RARB: variants seen among roughly 807,000 people sequenced by gnomAD.
RARB encodes retinoic acid receptor beta, also known as HBV-activated protein.
RARB carries 17 observed loss-of-function variants against 51.9 expected under a neutral mutation model. The ratio of observed to expected loss-of-function variants is 0.33; its 90% CI spans 0.22 to 0.49. The LOEUF (loss-of-function observed/expected upper bound fraction) is 0.49. RARB is among the 20% of genes least tolerant of loss of function. RARB has a pLI of 0.99. For missense variants in RARB, 369 were observed against 550.8 expected, an observed-to-expected ratio of 0.67 and a Z score of 3.30; for synonymous variants, 215 against 195.4, an observed-to-expected ratio of 1.10 and a Z score of -0.84.
intron 5 of RARB, among the ~76,000 whole-genome samples, chr3:25,257,513 G>C (rs1193869387): frequency 3.3e-5 from 5 of 152,040 alleles, no homozygotes; most frequent in Admixed American, 3.3e-4. Context: ...AGAAGAGTTG[G>C]AACTAGGGTG....
At chr3:25,025,797 G>C (rs1289860819) in intron 2 of RARB, among the ~76,000 whole-genome samples, 1 of 152,116 alleles carries the variant, frequency 6.6e-6, no homozygotes, top group Admixed American at 6.5e-5. Flanking sequence ...GTGAAACAAA[G>C]AATATTTGTC....
At chr3:25,559,108 C>G (rs766429609) in intron 3 of RARB, among the ~76,000 whole-genome samples, 3 of 152,120 alleles carry the variant, frequency 2.0e-5, no homozygotes, top group Non-Finnish European at 2.9e-5. Context: ...CCTTTAAAGG[C>G]CACCGCAAAC....
chr3:25,380,937 C>A (rs959447600), intron 5 of RARB, among the ~76,000 whole-genome samples: 3 of 152,148 alleles, frequency 2.0e-5, no homozygotes, highest in African/African-American at 7.2e-5. Flanking sequence ...CCATCCTTAT[C>A]TCCTGCATTT....
chr3:25,368,585 A>T (rs2125470077), intron 5 of RARB, among the ~76,000 whole-genome samples: 1 of 152,358 alleles, frequency 6.6e-6, no homozygotes, highest in South Asian at 2.1e-4. Flanking sequence ...GGAATTATAC[A>T]TGTTTTCACT....
chr3:25,526,107 C>T (rs1698635208), intron 3 of RARB, among the ~76,000 whole-genome samples: 1 of 152,118 alleles, frequency 6.6e-6, no homozygotes, highest in Admixed American at 6.5e-5. Context: ...TGAGGGAAGC[C>T]TCATGGAGGA....
intron 3 of RARB, among the ~76,000 whole-genome samples, chr3:25,080,553 G>C (rs7630907): frequency 0.71 from 107,834 of 152,044 alleles, 39,203 homozygotes; most frequent in Admixed American, 0.81. Context: ...GATGGTTCCA[G>C]TTTCTTCATA....
intron 5 of RARB, among the ~76,000 whole-genome samples, chr3:25,396,896 C>T (rs1707130750): frequency 6.6e-6 from 1 of 152,168 alleles, no homozygotes; most frequent in Non-Finnish European, 1.5e-5. Context: ...CCACCAACAG[C>T]ACCCAGTGTA....
At chr3:25,008,295 CCTGT>C (rs1418208335) in intron 2 of RARB, among the ~76,000 whole-genome samples, 1 of 152,048 alleles carries the variant, frequency 6.6e-6, no homozygotes, top group Non-Finnish European at 1.5e-5. Flanking sequence ...AGAGTAGAAG[CCTGT>C]CTGTTTCTCT....
chr3:25,522,757 G>A (rs534506516), intron 3 of RARB, among the ~76,000 whole-genome samples: 28 of 152,226 alleles, frequency 1.8e-4, no homozygotes, highest in African/African-American at 5.8e-4. Flanking sequence ...TCTTAGAGCC[G>A]TCGGGCATCT....
At chr3:25,156,347 A>G (rs983612012) in intron 4 of RARB, among the ~76,000 whole-genome samples, 1 of 152,114 alleles carries the variant, frequency 6.6e-6, no homozygotes, top group Non-Finnish European at 1.5e-5. Flanking sequence ...GTGGAATCTC[A>G]TTCATCTCAA....
At chr3:25,384,171 C>T (rs1241396521) in intron 5 of RARB, among the ~76,000 whole-genome samples, 1 of 152,128 alleles carries the variant, frequency 6.6e-6, no homozygotes, top group Non-Finnish European at 1.5e-5. Flanking sequence ...CTCTGGGGGT[C>T]CATGAGCCCC....
At chr3:24,979,949 T>C (rs771159350) in intron 2 of RARB, among the ~76,000 whole-genome samples, 1 of 152,224 alleles carries the variant, frequency 6.6e-6, no homozygotes, top group Non-Finnish European at 1.5e-5. Context: ...CAGGAGCTCT[T>C]GTAAGGCAGG....
intron 2 of RARB, among the ~76,000 whole-genome samples, chr3:25,498,365 T>C (rs567424593): frequency 1.3e-5 from 2 of 152,340 alleles, no homozygotes; most frequent in South Asian, 2.1e-4. Context: ...AGGAGAATTT[T>C]TATGATGCAA....
At chr3:25,041,592 T>C (rs1019005739) in intron 2 of RARB, among the ~76,000 whole-genome samples, 3 of 151,782 alleles carry the variant, frequency 2.0e-5, no homozygotes, top group Non-Finnish European at 4.4e-5. Context: ...TCAAAATTGA[T>C]GAGATAACAC....
At position 25,525,220 on chromosome 3, in the gene RARB, G is replaced by C. The variant is rs562936632; in HGVS notation, c.448+23897G>C. Among the ~76,000 whole-genome samples, 3 of 152,316 alleles carry C rather than the reference G, an allele frequency of 2.0e-5. No homozygotes were observed. The South Asian group carries it at 6.2e-4, about 32-fold the overall frequency. ...AACACTCAAAGATCTAGCTCAGAAAGAAAATTCTCAGAATGCTAGGTTATC... is the reference window on the plus strand; with the variant it reads ...AACACTCAAAGATCTAGCTCAGAAACAAAATTCTCAGAATGCTAGGTTATC... On this transcript the variant is annotated intron_variant, in intron 3 of 7. Coordinates refer to ENST00000330688, the MANE Select transcript of RARB (RefSeq NM_000965.5).
At chr3:25,289,228 A>G (rs1004570931) in intron 5 of RARB, among the ~76,000 whole-genome samples, 1 of 152,158 alleles carries the variant, frequency 6.6e-6, no homozygotes, top group Non-Finnish European at 1.5e-5. Context: ...TCATTCACCA[A>G]AATGGTTAGT....
intron 5 of RARB, among the ~76,000 whole-genome samples, chr3:25,377,136 G>C (rs561352125): frequency 2.7e-4 from 41 of 152,204 alleles, no homozygotes; most frequent in African/African-American, 9.2e-4. Context: ...ACCTACAGAT[G>C]TTTGCACAAA....
intron 5 of RARB, among the ~76,000 whole-genome samples, chr3:25,389,631 C>T (rs77009535): frequency 0.013 from 1,970 of 152,182 alleles, 41 homozygotes; most frequent in African/African-American, 0.043. Context: ...AATGAGAAGC[C>T]TTGGTTTTCC....
At chr3:25,417,592 C>T (rs1007862075) in intron 5 of RARB, among the ~76,000 whole-genome samples, 2 of 152,178 alleles carry the variant, frequency 1.3e-5, no homozygotes, top group Non-Finnish European at 2.9e-5. Context: ...CTTTCACCTT[C>T]CACCATGATT....
Sources: gnomAD v4.1 joint callset for allele counts (sites outside exome capture counted in the v4.1 genomes callset) on GRCh38, gnomAD v4.1.1 for gene constraint, MANE v1.5 for transcripts, NCBI Gene and HGNC (gene_info 2026-07-23, HGNC 2026-07-21) for gene names.